Variants in NEO1 observed in about 807,000 individuals in gnomAD.
NEO1 encodes the protein neogenin 1.
In NEO1, 63 loss-of-function variants were observed where a neutral mutation model predicts 159.7. The observed-to-expected ratio is 0.39, with a 90% CI of 0.32 to 0.49. NEO1 has a LOEUF of 0.49. Among genes scored for constraint, NEO1 ranks in the 20% least tolerant of loss-of-function variants. The probability of loss-of-function intolerance (pLI) is 0.85; values close to 1 mark genes in which losing one functional copy is unlikely to be tolerated. For synonymous variants in NEO1, 633 were observed against 662.0 expected (o/e 0.96, Z 0.67); for missense variants, 1,615 against 1,831.0 (o/e 0.88, Z 2.15).
chr15:73,251,174 A>G (rs1299934051), intron 11 of NEO1, among the ~76,000 whole-genome samples: 1 of 152,186 alleles, frequency 6.6e-6, no homozygotes, highest in African/African-American at 2.4e-5. Flanking sequence ...TCATTGTACT[A>G]TTCTTGCCAC....
intron 1 of NEO1, among the ~76,000 whole-genome samples, chr15:73,066,412 T>C (rs2068226687): frequency 6.6e-6 from 1 of 150,876 alleles, no homozygotes; most frequent in Admixed American, 6.6e-5. Flanking sequence ...CTCCAGCATG[T>C]GTGTTCCCGT....
At chr15:73,104,911 C>A (rs191359627) in intron 1 of NEO1, among the ~76,000 whole-genome samples, 1 of 152,176 alleles carries the variant, frequency 6.6e-6, no homozygotes, top group East Asian at 1.9e-4. Flanking sequence ...AGGGGAAATG[C>A]GCCCCATGAT....
intron 7 of NEO1, among the ~76,000 whole-genome samples, chr15:73,221,135 C>G (rs1191709479): frequency 6.6e-6 from 1 of 152,182 alleles, no homozygotes; most frequent in Admixed American, 6.5e-5. Flanking sequence ...TGTTAGTTTT[C>G]CTTCTAACAG....
At chr15:73,100,568 CAGA>C (rs2070350148) in intron 1 of NEO1, among the ~76,000 whole-genome samples, 1 of 152,128 alleles carries the variant, frequency 6.6e-6, no homozygotes. Flanking sequence ...CTCCTGACCT[CAGA>C]TGATCCACCC....
chr15:73,283,192 C>A, intron 23 of NEO1, 81 bp downstream of exon 23: 1 of 1,451,008 alleles, frequency 6.9e-7, no homozygotes, highest in Non-Finnish European at 9.4e-7. Flanking sequence ...TGGAGTGGTA[C>A]ACAAAGTTAA....
At chr15:73,140,165 T>C (rs1345086976) in intron 5 of NEO1, among the ~76,000 whole-genome samples, 1 of 152,228 alleles carries the variant, frequency 6.6e-6, no homozygotes, top group African/African-American at 2.4e-5. Flanking sequence ...TACCAGACAT[T>C]GGTTAGGATG....
intron 7 of NEO1, among the ~76,000 whole-genome samples, chr15:73,190,902 T>C (rs1332306118): frequency 1.3e-5 from 2 of 152,066 alleles, no homozygotes; most frequent in African/African-American, 4.8e-5. Context: ...AATTCTGTGA[T>C]TTTTTATTTT....
intron 7 of NEO1, among the ~76,000 whole-genome samples, chr15:73,193,575 A>G (rs954813732): frequency 4.7e-5 from 7 of 148,876 alleles, no homozygotes; most frequent in African/African-American, 1.7e-4. Context: ...GGTCAGATGT[A>G]TCATTTTGCT....
chr15:73,139,750 A>G (rs2032196369), intron 5 of NEO1, among the ~76,000 whole-genome samples: 1 of 152,226 alleles, frequency 6.6e-6, no homozygotes. Context: ...AGATTTCAAA[A>G]TTTATTGTTC....
Position 73,288,556 on chromosome 15 carries a change from C to T in NEO1, c.3649+5C>T. On this transcript the variant is annotated splice_donor_5th_base_variant and intron_variant, in intron 24 of 28. Transcript: ENST00000261908. ...AAAGGCGAAATTCATACAGAGGTACCATTTTAAGTGCAGGTTTTTTCTCAA... is the reference window on the plus strand; with the variant it reads ...AAAGGCGAAATTCATACAGAGGTACTATTTTAAGTGCAGGTTTTTTCTCAA... The T allele has an allele frequency of 6.2e-7, 1 of 1,604,300 alleles. No homozygotes were observed. Among genetic ancestry groups the T allele is most frequent in the Non-Finnish European group, 8.5e-7 (1 of 1,171,544 alleles).
chr15:73,097,436 C>A (rs930403003), intron 1 of NEO1, among the ~76,000 whole-genome samples: 4 of 141,718 alleles, frequency 2.8e-5, no homozygotes. Flanking sequence ...TCTTGGCTCA[C>A]TGCAACCTCT....
chr15:73,221,638 C>T (rs1022058570), intron 7 of NEO1: 13 of 156,184 alleles, frequency 8.3e-5, no homozygotes, highest in South Asian at 2.0e-4. Flanking sequence ...CAATGGCTGG[C>T]GCCCCTCCCC....
chr15:73,096,116 A>G (rs1489107288), intron 1 of NEO1, among the ~76,000 whole-genome samples: 4 of 152,252 alleles, frequency 2.6e-5, no homozygotes, highest in African/African-American at 7.2e-5. Flanking sequence ...AGCGTTGAAG[A>G]TGAAACCCAC....
intron 5 of NEO1, among the ~76,000 whole-genome samples, chr15:73,167,297 C>G (rs930326952): frequency 2.8e-5 from 4 of 140,466 alleles, no homozygotes; most frequent in African/African-American, 9.8e-5. Context: ...AAAGATGTTG[C>G]CTTTAGTTTC....
At chr15:73,087,169 C>G (rs528919033) in intron 1 of NEO1, among the ~76,000 whole-genome samples, 1 of 152,182 alleles carries the variant, frequency 6.6e-6, no homozygotes, top group South Asian at 2.1e-4. Flanking sequence ...GAGTTAAACT[C>G]CCATTCTGTT....
At chr15:73,082,353 C>T (rs1009803919) in intron 1 of NEO1, among the ~76,000 whole-genome samples, 7 of 151,856 alleles carry the variant, frequency 4.6e-5, no homozygotes, top group African/African-American at 1.7e-4. Flanking sequence ...TTCTGTCTAC[C>T]GCATCGTAAT....
chr15:73,110,523 A>G (rs1438800786), intron 1 of NEO1, among the ~76,000 whole-genome samples: 3 of 152,134 alleles, frequency 2.0e-5, no homozygotes, highest in Non-Finnish European at 4.4e-5. Context: ...GCACCGAGGG[A>G]TATGATTTGT....
At chr15:73,294,615 C>T (rs531172505) in intron 26 of NEO1, among the ~76,000 whole-genome samples, 2 of 152,254 alleles carry the variant, frequency 1.3e-5, no homozygotes, top group South Asian at 2.1e-4. Context: ...TCTCGGCTCA[C>T]TGTAACCTCC....
intron 1 of NEO1, among the ~76,000 whole-genome samples, chr15:73,110,392 T>C (rs1424394837): frequency 6.6e-6 from 1 of 152,222 alleles, no homozygotes. Flanking sequence ...ACTTTGAACC[T>C]CTTTTGGCAA....
Sources: allele counts gnomAD v4.1 joint callset (sites outside exome capture counted in the v4.1 genomes callset), GRCh38; gene constraint gnomAD v4.1.1; transcripts MANE v1.5; gene names NCBI Gene and HGNC (gene_info 2026-07-23, HGNC 2026-07-21).